Variants in FAM110B observed in about 807,000 individuals in gnomAD.
The protein encoded by FAM110B is protein FAM110B.
A neutral mutation model predicts 20.4 loss-of-function variants in FAM110B; 6 were observed. The observed-to-expected ratio is 0.29, with a 90% CI of 0.16 to 0.58. The LOEUF (loss-of-function observed/expected upper bound fraction) is 0.58. FAM110B is among the 20% of genes least tolerant of loss of function. The pLI is 0.90. For synonymous variants in FAM110B, 226 were observed against 214.1 expected, an observed-to-expected ratio of 1.06 and a Z score of -0.49; for missense variants, 434 against 498.2, an observed-to-expected ratio of 0.87 and a Z score of 1.23.
At chr8:58,124,752 C>T (rs1250352441) in intron 3 of FAM110B, among the ~76,000 whole-genome samples, 2 of 152,200 alleles carry the variant, frequency 1.3e-5, no homozygotes, top group Non-Finnish European at 2.9e-5. Context: ...CTACACTCAT[C>T]TCTATTAAAA....
chr8:58,117,661 T>G (rs940937106), intron 3 of FAM110B, among the ~76,000 whole-genome samples: 5 of 152,186 alleles, frequency 3.3e-5, no homozygotes, highest in African/African-American at 9.7e-5. Flanking sequence ...CCCTGCCTCA[T>G]AGAGTCATTG....
At chr8:58,077,366 G>A (rs1413460923) in intron 3 of FAM110B, among the ~76,000 whole-genome samples, 1 of 152,178 alleles carries the variant, frequency 6.6e-6, no homozygotes, top group Non-Finnish European at 1.5e-5. Flanking sequence ...AGCAAGCCAG[G>A]ACATGTTGCT....
chr8:58,051,791 G>A (rs1018353717), intron 2 of FAM110B, among the ~76,000 whole-genome samples: 4 of 151,444 alleles, frequency 2.6e-5, no homozygotes, highest in African/African-American at 9.8e-5. Flanking sequence ...TTAACCAGAG[G>A]CACATGGGTT....
intron 3 of FAM110B, among the ~76,000 whole-genome samples, chr8:58,137,133 T>C (rs1335725464): frequency 6.6e-6 from 1 of 152,208 alleles, no homozygotes; most frequent in African/African-American, 2.4e-5. Context: ...TTGACAGAAA[T>C]AGCACAGGCC....
At chr8:58,121,707 G>A (rs546237754) in intron 3 of FAM110B, among the ~76,000 whole-genome samples, 34 of 152,094 alleles carry the variant, frequency 2.2e-4, no homozygotes, top group South Asian at 1.2e-3. Flanking sequence ...GTCTTTCGCC[G>A]TATTTTCTAA....
At position 58,124,712 on chromosome 8, in the gene FAM110B, T is replaced by C. The variant is rs369257640; in HGVS notation, c.-324-21195T>C. 3.3e-5 allele frequency among the ~76,000 whole-genome samples: 5 copies of C among 152,158 alleles called. No homozygotes were observed. The East Asian group carries it at 5.8e-4, about 18-fold the overall frequency. ...TAGGTGGAACTTAAACCTAGAAGCG[T>C]ATGTTGTTTTCAAAACTTTTCCCAT... is the stretch of plus-strand genomic sequence containing the variant. On this transcript the variant is annotated intron_variant, in intron 3 of 3. Transcript: ENST00000519262.
At chr8:58,040,982 C>T (rs1805205245) in intron 2 of FAM110B, among the ~76,000 whole-genome samples, 1 of 129,174 alleles carries the variant, frequency 7.7e-6, no homozygotes. Flanking sequence ...ACTCTTGTTG[C>T]CCAGTCTGGA....
chr8:58,051,656 C>CAT lies in FAM110B; in HGVS notation c.-414+19956_-414+19957dup, dbSNP rs1402676917. Among the ~76,000 whole-genome samples, 3 of 152,108 alleles carry CAT rather than the reference C, an allele frequency of 2.0e-5. No individual in the cohort carries two copies. In the South Asian group the frequency reaches 6.2e-4, roughly 32 times the overall value. On this transcript the variant is annotated intron_variant, in intron 2 of 3. Coordinates refer to ENST00000519262, the MANE Select transcript of FAM110B (RefSeq NM_001377989.1). ...GTGTATGGGACTTGCAAATATATAACATATTTGGCATTTCAAATGGTAAAA... is the reference window on the plus strand; with the variant it reads ...GTGTATGGGACTTGCAAATATATAACATATATTTGGCATTTCAAATGGTAAAA...
intron 3 of FAM110B, among the ~76,000 whole-genome samples, chr8:58,091,164 A>C (rs73682142): frequency 0.019 from 2,929 of 152,322 alleles, 48 homozygotes; most frequent in South Asian, 0.094. Context: ...GAACATGGTA[A>C]GACAAGATGA....
intron 3 of FAM110B, among the ~76,000 whole-genome samples, chr8:58,141,742 G>A (rs1037434925): frequency 3.3e-5 from 5 of 152,164 alleles, no homozygotes; most frequent in African/African-American, 4.8e-5. Context: ...TTTTTAAATC[G>A]GGAGAGTTTG....
At chr8:58,103,403 A>G (rs904331315) in intron 3 of FAM110B, among the ~76,000 whole-genome samples, 2 of 145,050 alleles carry the variant, frequency 1.4e-5, no homozygotes, top group African/African-American at 2.6e-5. Flanking sequence ...ATTCCCACCT[A>G]TGAGTGAGAA....
chr8:58,132,109 T>C (rs1803486837), intron 3 of FAM110B, among the ~76,000 whole-genome samples: 1 of 126,524 alleles, frequency 7.9e-6, no homozygotes, highest in African/African-American at 4.6e-5. Context: ...GAGATCCCCT[T>C]GGAGAATCTC....
In FAM110B at chr8:58,146,944, C is replaced by T. The variant is rs1312981902; in HGVS notation, c.714C>T (p.Ser238=). 9 of 1,614,096 alleles carry T rather than the reference C, an allele frequency of 5.6e-6. No individual in the cohort carries two copies. The highest frequency in any genetic ancestry group is 7.6e-6 in the Non-Finnish European group (9 of 1,180,042). The part of the protein sequence containing the change: ...PKIAAIASMK[S]PEADPVEPAC... The stretch of plus-strand genomic sequence containing the variant: ...TCGCAGCCATCGCCTCCATGAAGTC[C>T]CCCGAGGCCGACCCTGTGGAACCAG... Residue 238 remains serine (S), a synonymous_variant, in exon 4 of 4, where the codon TCC becomes TCT. Coordinates refer to ENST00000519262, the MANE Select transcript of FAM110B (RefSeq NM_001377989.1).
intron 3 of FAM110B, among the ~76,000 whole-genome samples, chr8:58,134,055 T>G (rs557094177): frequency 6.6e-6 from 1 of 152,306 alleles, no homozygotes; most frequent in Non-Finnish European, 1.5e-5. Context: ...AATAGGTGTC[T>G]ATCGTCTTAC....
chr8:58,124,165 G>A lies in FAM110B; in HGVS notation c.-324-21742G>A, dbSNP rs572246127. 1.2e-4 allele frequency among the ~76,000 whole-genome samples: 18 copies of A among 152,282 alleles called. 1 individual carries two copies. Among genetic ancestry groups the A allele is most frequent in the Admixed American group, 7.2e-4 (11 of 15,300 alleles). On this transcript the variant is annotated intron_variant, in intron 3 of 3. Coordinates refer to ENST00000519262, the MANE Select transcript of FAM110B (RefSeq NM_001377989.1). ...CTGTTCAATAGGTTGAATTAGGATT[G>A]GGCTCTATTTTACTGACTAGAGGCC...
intron 1 of FAM110B, among the ~76,000 whole-genome samples, chr8:58,007,067 G>A (rs1476749713): frequency 6.6e-6 from 1 of 151,866 alleles, no homozygotes; most frequent in Non-Finnish European, 1.5e-5. Context: ...ACCTAGGTGG[G>A]TGGAAGTCGA....
intron 3 of FAM110B, among the ~76,000 whole-genome samples, chr8:58,094,046 G>C (rs538796808): frequency 6.6e-6 from 1 of 152,140 alleles, no homozygotes; most frequent in Non-Finnish European, 1.5e-5. Flanking sequence ...TTGGCTCTCT[G>C]TTTGTCTATT....
intron 3 of FAM110B, among the ~76,000 whole-genome samples, chr8:58,125,050 A>G (rs1006374216): frequency 2.0e-5 from 3 of 152,216 alleles, no homozygotes; most frequent in African/African-American, 7.2e-5. Context: ...TAATTTGTAC[A>G]TGAAAATATT....
chr8:58,010,183 G>GTTTT (rs34438201), intron 1 of FAM110B, among the ~76,000 whole-genome samples: 1 of 140,730 alleles, frequency 7.1e-6, no homozygotes, highest in Admixed American at 7.2e-5. Context: ...CGCCCTGCTA[G>GTTTT]TTTTTTTTTT....
Sources: gnomAD v4.1 joint callset for allele counts (sites outside exome capture counted in the v4.1 genomes callset) on GRCh38, gnomAD v4.1.1 for gene constraint, MANE v1.5 for transcripts, NCBI Gene and HGNC (gene_info 2026-07-23, HGNC 2026-07-21) for gene names.